Variants in PCDHA2 observed in about 807,000 individuals in gnomAD.
PCDHA2 encodes protocadherin alpha 2, also known as protocadherin alpha-2.
Under a neutral mutation model 66.0 loss-of-function variants are expected in PCDHA2, and 58 were observed. The ratio of observed to expected loss-of-function variants is 0.88; its 90% confidence interval spans 0.71 to 1.09. The LOEUF (loss-of-function observed/expected upper bound fraction) is 1.09, where lower values mean the gene tolerates loss of function less well. Ranked by LOEUF, PCDHA2 falls within the 50% of genes least tolerant of loss-of-function variation. The pLI, the probability that PCDHA2 is intolerant of heterozygous loss-of-function variation, is 0.00. For missense variants in PCDHA2, 1,267 were observed against 1,242.3 expected (o/e 1.02, Z -0.30); for synonymous variants, 634 against 554.0 (o/e 1.14, Z -2.03).
intron 1 of PCDHA2, chr5:140,856,458 A>C: frequency 9.4e-6 from 15 of 1,598,416 alleles, no homozygotes; most frequent in Non-Finnish European, 1.3e-5. Flanking sequence ...GTAACAGAAC[A>C]AAAGCTCTCA....
chr5:140,827,945 A>C, intron 1 of PCDHA2: 1 of 1,217,964 alleles, frequency 8.2e-7, no homozygotes, highest in African/African-American at 1.5e-5. Flanking sequence ...GCTAGCCAAC[A>C]TTCAAATTTC....
At chr5:140,818,501 A>G (rs1442047621) in intron 1 of PCDHA2, among the ~76,000 whole-genome samples, 1 of 152,242 alleles carries the variant, frequency 6.6e-6, no homozygotes, top group African/African-American at 2.4e-5. Flanking sequence ...CTTGGATTTT[A>G]AAATCAGATA....
Position 140,871,064 on chromosome 5 carries a change from G to A in PCDHA2, c.2388+73712G>A, listed in dbSNP as rs369373152. The A allele has an allele frequency of 5.6e-6, 9 of 1,613,116 alleles. No individual in the cohort carries two copies. Among genetic ancestry groups the A allele is most frequent in the Middle Eastern group, 1.6e-4 (1 of 6,084 alleles). ...CTTCTAGTACTGGTGAAGGATCACG[G>A]TGAGCCGGCGCTGACGGCCACGGCC... On this transcript the variant is annotated intron_variant, in intron 1 of 3. Coordinates refer to ENST00000526136, the MANE Select transcript of PCDHA2 (RefSeq NM_018905.3).
At chr5:140,802,078 A>G (rs782606319) in intron 1 of PCDHA2, 1 of 1,614,206 alleles carries the variant, frequency 6.2e-7, no homozygotes, top group African/African-American at 1.3e-5. Flanking sequence ...TCAAAATTCC[A>G]TTTAGATCCA....
At chr5:140,869,951 CAATT>C (rs1554163647) in intron 1 of PCDHA2, 4 of 1,611,984 alleles carry the variant, frequency 2.5e-6, no homozygotes, top group Non-Finnish European at 3.4e-6. Flanking sequence ...TCCTTAATGT[CAATT>C]AAGCCCAATG....
Position 140,797,134 on chromosome 5 carries a change from T to A in PCDHA2, c.2170T>A (p.Ser724Thr). 6.2e-7 allele frequency: 1 copy of A among 1,613,948 alleles called. No individual in the cohort carries two copies. Among genetic ancestry groups the A allele is most frequent in the Non-Finnish European group, 8.5e-7 (1 of 1,179,962 alleles). The change falls in exon 1 of 4, where the codon TCG (serine) becomes ACG (threonine). Residue 724 changes from serine to threonine, a missense_variant. Coordinates refer to ENST00000526136, the MANE Select transcript of PCDHA2 (RefSeq NM_018905.3). ...GCTGCTGTACACTGCGCTGCGGTGC[T>A]CGGTGCCACCCACCGAGGGTGCGCG... is the stretch of plus-strand genomic sequence containing the variant. The part of the protein sequence containing the change: ...TVLLYTALRC[S>T]VPPTEGARAP...
rs2150469634 is a variant in PCDHA2, at chr5:140,850,145, G to A, written c.2388+52793G>A. 7 of 1,595,444 alleles carry A rather than the reference G, an allele frequency of 4.4e-6. No individual in the cohort carries two copies. The African/African-American group carries it at 5.4e-5, about 12-fold the overall frequency. ...TGCCGCCTCTGGGCAGCAACGTGACGCTGCAGGTGTTCGTGCTGGACGAGA... is the reference window on the plus strand; with the variant it reads ...TGCCGCCTCTGGGCAGCAACGTGACACTGCAGGTGTTCGTGCTGGACGAGA... On this transcript the variant is annotated intron_variant, in intron 1 of 3. Coordinates refer to ENST00000526136, the MANE Select transcript of PCDHA2 (RefSeq NM_018905.3).
intron 1 of PCDHA2, chr5:140,875,646 G>T (rs781973102): frequency 6.2e-7 from 1 of 1,613,722 alleles, no homozygotes; most frequent in Non-Finnish European, 8.5e-7. Context: ...AGCTGGCGGA[G>T]CTGGTGCCGC....
At chr5:140,836,494 T>A in intron 1 of PCDHA2, 4 of 1,613,852 alleles carry the variant, frequency 2.5e-6, no homozygotes, top group Non-Finnish European at 3.4e-6. Context: ...ATCATCGCCA[T>A]CTGCGCGGTG....
At chr5:140,842,501 C>T in intron 1 of PCDHA2, 1 of 1,613,826 alleles carries the variant, frequency 6.2e-7, no homozygotes, top group Non-Finnish European at 8.5e-7. Flanking sequence ...GCCCCATGTC[C>T]CCTTCAAGCT....
In PCDHA2 at chr5:141,011,816, A is replaced by G. The variant is rs1382441831; in HGVS notation, c.*1879A>G. The G allele has an allele frequency of 1.3e-5, 2 of 153,794 alleles. No homozygotes were observed. Among genetic ancestry groups the G allele is most frequent in the Admixed American group, 1.3e-4 (2 of 15,280 alleles). The allele number at this position is 153,794 out of a possible 1,614,324, so 9.5% of individuals were successfully genotyped here. On this transcript the variant is annotated 3_prime_UTR_variant, in exon 4 of 4. Transcript: ENST00000526136. ...TCTGAAATATCAGCTCATAGAAAGT[A>G]ACAAAATTTGCTGTCACCTTAAATA...
chr5:140,836,650 A>T (rs1426602429), intron 1 of PCDHA2: 1 of 1,613,394 alleles, frequency 6.2e-7, no homozygotes, highest in African/African-American at 1.3e-5. Flanking sequence ...CAGAGGCGGC[A>T]GAGGGTGTGC....
At chr5:140,910,641 C>T (rs1270893523) in intron 1 of PCDHA2, among the ~76,000 whole-genome samples, 1 of 152,206 alleles carries the variant, frequency 6.6e-6, no homozygotes, top group Non-Finnish European at 1.5e-5. Flanking sequence ...CTCCCTAAAC[C>T]TTTTGATCCC....
chr5:140,967,278 G>A (rs2096121968), intron 1 of PCDHA2: 1 of 1,613,290 alleles, frequency 6.2e-7, no homozygotes. Flanking sequence ...CACATAGAGA[G>A]TGCGCAGGAC....
intron 3 of PCDHA2, among the ~76,000 whole-genome samples, chr5:140,987,154 C>T (rs1404083891): frequency 6.6e-6 from 1 of 150,704 alleles, no homozygotes; most frequent in Non-Finnish European, 1.5e-5. Flanking sequence ...GTGGAGGTTG[C>T]AGTGAGCTGA....
At chr5:140,978,422 T>C (rs1554239303) in intron 1 of PCDHA2, among the ~76,000 whole-genome samples, 2 of 152,218 alleles carry the variant, frequency 1.3e-5, no homozygotes, top group Non-Finnish European at 2.9e-5. Flanking sequence ...AAGAGACTGT[T>C]ATCAGTTGCT....
intron 1 of PCDHA2, chr5:140,807,666 C>A: frequency 6.2e-7 from 1 of 1,614,226 alleles, no homozygotes; most frequent in Non-Finnish European, 8.5e-7. Context: ...GCCTCGGATG[C>A]AGATATCGGG....
chr5:140,877,760 G>T, intron 1 of PCDHA2: 1 of 1,614,194 alleles, frequency 6.2e-7, no homozygotes, highest in Non-Finnish European at 8.5e-7. Flanking sequence ...TCTGCAGAGA[G>T]CCCGCCCAAG....
intron 1 of PCDHA2, among the ~76,000 whole-genome samples, chr5:140,880,028 G>A (rs577776398): frequency 1.2e-4 from 19 of 152,308 alleles, no homozygotes; most frequent in African/African-American, 4.6e-4. Flanking sequence ...AAATCCACAA[G>A]TTCCAGGGAT....
Sources: allele counts gnomAD v4.1 joint callset (sites outside exome capture counted in the v4.1 genomes callset), GRCh38; gene constraint gnomAD v4.1.1; transcripts MANE v1.5; gene names NCBI Gene and HGNC (gene_info 2026-07-23, HGNC 2026-07-21).